PRR16: variants seen among roughly 807,000 people sequenced by gnomAD.
PRR16 encodes proline rich 16, also known as protein Largen.
In PRR16, 6 loss-of-function variants were observed where a neutral mutation model predicts 18.2. The observed-to-expected ratio is 0.33, with a 90% confidence interval of 0.18 to 0.65. PRR16 has a LOEUF of 0.65. Among genes scored for constraint, PRR16 ranks in the 30% least tolerant of loss-of-function variants. The pLI is 0.74. For missense variants in PRR16, 412 were observed against 376.6 expected (o/e 1.09, Z -0.78); for synonymous variants, 151 against 147.8 (o/e 1.02, Z -0.16).
At chr5:120,668,082 G>T (rs762896785) in intron 1 of PRR16, among the ~76,000 whole-genome samples, 15 of 152,002 alleles carry the variant, frequency 9.9e-5, no homozygotes, top group Non-Finnish European at 1.8e-4. Flanking sequence ...TTATTGTGTG[G>T]GAGTCTAAGT....
chr5:120,481,934 T>C (rs1396299412), intron 1 of PRR16, among the ~76,000 whole-genome samples: 3 of 152,186 alleles, frequency 2.0e-5, no homozygotes, highest in Admixed American at 2.0e-4. Context: ...GAAAATTGAC[T>C]AATGGTTCTT....
the PRR16 span, among the ~76,000 whole-genome samples, chr5:120,759,485 T>C: frequency 6.6e-6 from 1 of 152,066 alleles, no homozygotes; most frequent in African/African-American, 2.4e-5. Flanking sequence ...AAAATATAGA[T>C]ACAGTAAAAA....
the PRR16 span, among the ~76,000 whole-genome samples, chr5:120,701,163 G>A: frequency 6.6e-6 from 1 of 152,166 alleles, no homozygotes; most frequent in African/African-American, 2.4e-5. Context: ...CACAGTGGAG[G>A]CAAGGAATTG....
At chr5:120,493,010 G>T (rs1750117241) in intron 1 of PRR16, among the ~76,000 whole-genome samples, 2 of 152,194 alleles carry the variant, frequency 1.3e-5, no homozygotes, top group Non-Finnish European at 2.9e-5. Context: ...TAATTGTGCT[G>T]CTATAAATGT....
chr5:120,632,596 C>T (rs1755094807), intron 1 of PRR16, among the ~76,000 whole-genome samples: 1 of 152,112 alleles, frequency 6.6e-6, no homozygotes, highest in Non-Finnish European at 1.5e-5. Context: ...CAGAAAGTCT[C>T]AGCAATAGAC....
chr5:120,713,565 T>G, the PRR16 span, among the ~76,000 whole-genome samples: 1 of 152,158 alleles, frequency 6.6e-6, no homozygotes, highest in Non-Finnish European at 1.5e-5. Flanking sequence ...AAGTTTTAAT[T>G]TTAAAACTTG....
At chr5:120,554,340 C>A (rs1338794070) in intron 1 of PRR16, among the ~76,000 whole-genome samples, 1 of 151,850 alleles carries the variant, frequency 6.6e-6, no homozygotes, top group Non-Finnish European at 1.5e-5. Context: ...ACACATTTAA[C>A]AGAGGATTTA....
the PRR16 span, among the ~76,000 whole-genome samples, chr5:120,717,556 T>C: frequency 6.6e-6 from 1 of 152,176 alleles, no homozygotes; most frequent in Non-Finnish European, 1.5e-5. Context: ...ATCCACTGGC[T>C]GAAAACAAAA....
chr5:120,718,700 A>G, the PRR16 span, among the ~76,000 whole-genome samples: 1 of 152,212 alleles, frequency 6.6e-6, no homozygotes, highest in East Asian at 1.9e-4. Context: ...TCATCCATGG[A>G]TTACATAGTG....
intron 1 of PRR16, among the ~76,000 whole-genome samples, chr5:120,633,115 T>C (rs2112842821): frequency 6.6e-6 from 1 of 152,240 alleles, no homozygotes; most frequent in South Asian, 2.1e-4. Context: ...CAAGAATTTT[T>C]TATCCAAGGA....
At chr5:120,622,852 T>G in intron 1 of PRR16, among the ~76,000 whole-genome samples, 1 of 151,082 alleles carries the variant, frequency 6.6e-6, no homozygotes. Flanking sequence ...TTCTTTTTTG[T>G]TCTTTAAAAG....
At chr5:120,761,930 G>C in the PRR16 span, among the ~76,000 whole-genome samples, 1 of 151,912 alleles carries the variant, frequency 6.6e-6, no homozygotes, top group Non-Finnish European at 1.5e-5. Context: ...ACCTCCATGA[G>C]ATCAACATTT....
the PRR16 span, among the ~76,000 whole-genome samples, chr5:120,746,047 G>C: frequency 1.3e-5 from 2 of 151,996 alleles, no homozygotes; most frequent in African/African-American, 2.4e-5. Context: ...GTTTGGAAGC[G>C]GTGAAATTTT....
chr5:120,542,661 T>C (rs1751952173), intron 1 of PRR16, among the ~76,000 whole-genome samples: 1 of 152,156 alleles, frequency 6.6e-6, no homozygotes, highest in Admixed American at 6.5e-5. Context: ...ATCCAAGGTG[T>C]CATGGTCTAT....
At chr5:120,757,243 G>T in the PRR16 span, among the ~76,000 whole-genome samples, 1 of 151,968 alleles carries the variant, frequency 6.6e-6, no homozygotes, top group Admixed American at 6.6e-5. Flanking sequence ...TTTGAAGTTG[G>T]GTAACATGAT....
the PRR16 span, among the ~76,000 whole-genome samples, chr5:120,701,660 A>G: frequency 2.6e-5 from 4 of 152,138 alleles, no homozygotes; most frequent in South Asian, 2.1e-4. Context: ...TGGAGAGGAA[A>G]GGAGAGGTCA....
At chr5:120,711,502 T>C in the PRR16 span, among the ~76,000 whole-genome samples, 226 of 152,320 alleles carry the variant, frequency 1.5e-3, no homozygotes, top group African/African-American at 5.1e-3. Flanking sequence ...TACCCCAAGC[T>C]GATTAAGTTA....
chr5:120,505,666 C>A (rs1372361987), intron 1 of PRR16, among the ~76,000 whole-genome samples: 2 of 152,060 alleles, frequency 1.3e-5, no homozygotes, highest in African/African-American at 4.8e-5. Flanking sequence ...TATTTTATAA[C>A]AGATTGCTGC....
Position 120,686,876 on chromosome 5 carries a change from TG to T in PRR16, c.*170del, listed in dbSNP as rs1224348906. On this transcript the variant is annotated 3_prime_UTR_variant, in exon 2 of 2. Transcript: ENST00000407149. ...AGTATGCAGCACATTGCTTATATCC[TG>T]GGTATGCATTATTTTAAATGTTGTA... is the stretch of plus-strand genomic sequence containing the variant. The T allele has an allele frequency of 2.2e-6, 1 of 445,868 alleles. No homozygotes were observed. Among genetic ancestry groups the T allele is most frequent in the Non-Finnish European group, 3.8e-6 (1 of 263,868 alleles). 27.6% of individuals were successfully genotyped at this position (445,868 alleles called of 1,614,324 possible). A position where few individuals can be genotyped will look rare whatever the true frequency, so the allele number is the denominator to read the frequency against.
Sources: gnomAD v4.1 joint callset for allele counts (sites outside exome capture counted in the v4.1 genomes callset) on GRCh38, gnomAD v4.1.1 for gene constraint, MANE v1.5 for transcripts, NCBI Gene and HGNC (gene_info 2026-07-23, HGNC 2026-07-21) for gene names.